MYO5B: variants seen among roughly 807,000 people sequenced by gnomAD.
MYO5B encodes myosin VB.
MYO5B carries 143 observed loss-of-function variants against 229.3 expected under a neutral mutation model. The observed-to-expected ratio is 0.62, with a 90% CI of 0.54 to 0.72. MYO5B has a LOEUF of 0.72. Among genes scored for constraint, MYO5B ranks in the 30% least tolerant of loss-of-function variants. MYO5B has a pLI of 0.00. For synonymous variants in MYO5B, 918 were observed against 885.2 expected (o/e 1.04, Z -0.66); for missense variants, 2,321 against 2,331.0 (o/e 1.00, Z 0.09).
intron 4 of MYO5B, among the ~76,000 whole-genome samples, chr18:50,031,066 G>A (rs1239483110): frequency 2.0e-5 from 3 of 152,282 alleles, no homozygotes; most frequent in East Asian, 1.9e-4. Flanking sequence ...TGGGGGACCA[G>A]AATCTGCTCT....
At chr18:49,991,620 A>G (rs1274510419) in intron 6 of MYO5B, among the ~76,000 whole-genome samples, 1 of 152,204 alleles carries the variant, frequency 6.6e-6, no homozygotes, top group Non-Finnish European at 1.5e-5. Context: ...TGGGAATTGA[A>G]CAATGAGAAC....
intron 22 of MYO5B, among the ~76,000 whole-genome samples, chr18:49,894,660 C>T (rs935816287): frequency 3.9e-5 from 6 of 152,202 alleles, no homozygotes; most frequent in Non-Finnish European, 7.3e-5. Flanking sequence ...CAGCCCTGGG[C>T]CTAATTCTAG....
chr18:49,879,735 G>A (rs1046373139), intron 23 of MYO5B, among the ~76,000 whole-genome samples: 3 of 152,154 alleles, frequency 2.0e-5, no homozygotes, highest in Admixed American at 1.3e-4. Flanking sequence ...AGCAGAAACT[G>A]GGGTCTGTGG....
At chr18:50,138,280 A>T (rs1484348499) in intron 1 of MYO5B, among the ~76,000 whole-genome samples, 2 of 152,220 alleles carry the variant, frequency 1.3e-5, no homozygotes, top group Admixed American at 1.3e-4. Context: ...TGTTTTCTCT[A>T]TCAAGCTGAA....
chr18:49,843,164 G>T, intron 34 of MYO5B, 77 bp downstream of exon 34: 1 of 1,585,468 alleles, frequency 6.3e-7, no homozygotes, highest in South Asian at 1.1e-5. Context: ...GCCAAACCCA[G>T]ACACAGAGAA....
intron 33 of MYO5B, 108 bp downstream of exon 33, chr18:49,847,038 G>T: frequency 7.2e-7 from 1 of 1,398,452 alleles, no homozygotes; most frequent in Non-Finnish European, 1.0e-6. Context: ...GAGGGTGGGG[G>T]CTGTGCAGGA....
chr18:50,161,241 G>A (rs893019882), intron 1 of MYO5B, among the ~76,000 whole-genome samples: 8 of 152,078 alleles, frequency 5.3e-5, no homozygotes, highest in Non-Finnish European at 7.4e-5. Context: ...AAAATTAGCC[G>A]GGCATGGTGG....
At chr18:50,001,520 T>C (rs1223544275) in intron 4 of MYO5B, 109 bp from the exon 5 acceptor site, 19 of 1,305,270 alleles carry the variant, frequency 1.5e-5, no homozygotes, top group Non-Finnish European at 1.9e-5. Flanking sequence ...TCTCTCCTAC[T>C]TTAATGGATA....
intron 14 of MYO5B, among the ~76,000 whole-genome samples, chr18:49,950,738 T>C (rs1011072788): frequency 2.0e-5 from 3 of 152,214 alleles, no homozygotes; most frequent in Non-Finnish European, 2.9e-5. Flanking sequence ...TATATATTTC[T>C]ACAATACTTT....
chr18:50,097,916 C>T (rs1176499546), intron 1 of MYO5B, among the ~76,000 whole-genome samples: 3 of 152,142 alleles, frequency 2.0e-5, no homozygotes, highest in Non-Finnish European at 4.4e-5. Flanking sequence ...GACTTCAGAC[C>T]AGCAAAGAAA....
rs74442316 is a variant in MYO5B, at chr18:50,037,603, T to C, written c.311-609A>G. On this transcript the variant is annotated intron_variant, in intron 3 of 39. Coordinates refer to ENST00000285039, the MANE Select transcript of MYO5B (RefSeq NM_001080467.3). ...GGACATCCTAAGGAAAAATGATGAA[T>C]TGTGCGAGGGAAAATGCCAGGCACG... Among the ~76,000 whole-genome samples the C allele has an allele frequency of 2.1e-3, 320 of 152,290 alleles. 2 individuals carry two copies. In the East Asian group the frequency reaches 0.026, roughly 12 times the overall value.
rs1476289393 is a variant in MYO5B at position 49,823,678 on chromosome 18, C to G, written c.*2793G>C. ...TCATGGAAAGGGGAAAAACATCTACCTTTGGGTCTAATCTGCCTCCCAGGT... is the reference window on the plus strand; with the variant it reads ...TCATGGAAAGGGGAAAAACATCTACGTTTGGGTCTAATCTGCCTCCCAGGT... On this transcript the variant is annotated 3_prime_UTR_variant, in exon 40 of 40. Transcript: ENST00000285039. 1.3e-5 allele frequency: 2 copies of G among 151,964 alleles called. No homozygotes were observed. Among genetic ancestry groups the G allele is most frequent in the Admixed American group, 6.5e-5 (1 of 15,270 alleles). The allele number at this position is 151,964 out of a possible 1,614,324, so 9.4% of individuals were successfully genotyped here.
chr18:50,070,294 G>A (rs1007599588), intron 1 of MYO5B, among the ~76,000 whole-genome samples: 5 of 152,014 alleles, frequency 3.3e-5, no homozygotes, highest in African/African-American at 1.2e-4. Flanking sequence ...AAAGTGCTGG[G>A]ACTACAAGCG....
intron 2 of MYO5B, among the ~76,000 whole-genome samples, chr18:50,052,875 A>C (rs1034930429): frequency 6.6e-6 from 1 of 152,188 alleles, no homozygotes; most frequent in Non-Finnish European, 1.5e-5. Context: ...AGGTCCTATC[A>C]TAAGTCAGAG....
Position 50,078,763 on chromosome 18 carries a change from C to T in MYO5B, c.28-23385G>A, listed in dbSNP as rs918279437. Among the ~76,000 whole-genome samples the T allele has an allele frequency of 7.9e-5, 12 of 152,262 alleles. No homozygotes were observed. In the South Asian group the frequency reaches 1.2e-3, roughly 16 times the overall value. On this transcript the variant is annotated intron_variant, in intron 1 of 39. Coordinates refer to ENST00000285039, the MANE Select transcript of MYO5B (RefSeq NM_001080467.3). ...GATACATGCCCAAAAGCAATGCACA[C>T]GTATGTTTACCAAAAGACAAGTACA...
Position 49,864,518 on chromosome 18 carries a change from C to T in MYO5B, c.3604-138G>A, listed in dbSNP as rs1218251544. 28 of 1,241,616 alleles carry T rather than the reference C, an allele frequency of 2.3e-5. No individual in the cohort carries two copies. The Admixed American group carries it at 5.8e-4, about 26-fold the overall frequency. 76.9% of individuals were successfully genotyped at this position (1,241,616 alleles called of 1,614,324 possible). The stretch of plus-strand genomic sequence containing the variant: ...CGTTGACACACATGGAAAGTTCTGA[C>T]TGCCATCAGCAAGCAGTCAAAGCTG... On this transcript the variant is annotated intron_variant, in intron 27 of 39. Transcript: ENST00000285039.
chr18:49,879,386 C>T, intron 23 of MYO5B: 2 of 441,754 alleles, frequency 4.5e-6, no homozygotes, highest in Admixed American at 3.5e-5. Flanking sequence ...TGCCAACTGT[C>T]ACAGCAACTG....
At chr18:50,020,745 T>C (rs2026265008) in intron 4 of MYO5B, among the ~76,000 whole-genome samples, 1 of 152,170 alleles carries the variant, frequency 6.6e-6, no homozygotes, top group Admixed American at 6.5e-5. Context: ...CAGACCCAAG[T>C]CACATTTGAG....
Position 50,022,663 on chromosome 18 carries a change from T to C in MYO5B, c.455+14187A>G, listed in dbSNP as rs137904127. 5.6e-4 allele frequency among the ~76,000 whole-genome samples: 86 copies of C among 152,308 alleles called. 1 individual carries two copies. The highest frequency in any genetic ancestry group is 1.9e-3 in the African/African-American group (79 of 41,562). ...AAAGTTTGTTAGATTCCTACTCAGATATCAAGAGTGAGGTTTAAGCAATAT... is the reference window on the plus strand; with the variant it reads ...AAAGTTTGTTAGATTCCTACTCAGACATCAAGAGTGAGGTTTAAGCAATAT... On this transcript the variant is annotated intron_variant, in intron 4 of 39. Transcript: ENST00000285039.
Sources: gnomAD v4.1 joint callset for allele counts (sites outside exome capture counted in the v4.1 genomes callset) on GRCh38, gnomAD v4.1.1 for gene constraint, MANE v1.5 for transcripts, NCBI Gene and HGNC (gene_info 2026-07-23, HGNC 2026-07-21) for gene names.